The following EFCAB12 variants were observed in gnomAD, a reference collection of about 807,000 sequenced individuals.
The protein encoded by EFCAB12 is EF-hand calcium binding domain 12.
EFCAB12 carries 43 observed loss-of-function variants against 53.6 expected under a neutral mutation model. The observed-to-expected ratio is 0.80, with a 90% confidence interval of 0.63 to 1.03. The LOEUF (loss-of-function observed/expected upper bound fraction) is 1.03, where lower values mean the gene tolerates loss of function less well. Ranked by LOEUF, EFCAB12 falls within the 50% of genes least tolerant of loss-of-function variation. The pLI is 0.00. For synonymous variants in EFCAB12, 269 were observed against 289.2 expected, an observed-to-expected ratio of 0.93 and a Z score of 0.71; for missense variants, 646 against 730.6, an observed-to-expected ratio of 0.88 and a Z score of 1.34.
At chr3:129,420,462 T>C (rs564094006) in intron 2 of EFCAB12, among the ~76,000 whole-genome samples, 2 of 152,324 alleles carry the variant, frequency 1.3e-5, no homozygotes, top group East Asian at 3.9e-4. Flanking sequence ...GGTAGTACCC[T>C]TATCACTTAC....
chr3:129,420,314 AG>A (rs2072173118), intron 2 of EFCAB12, among the ~76,000 whole-genome samples: 1 of 152,206 alleles, frequency 6.6e-6, no homozygotes, highest in East Asian at 1.9e-4. Flanking sequence ...CCCAGGAGGT[AG>A]GAACAATGGT....
In EFCAB12 at chr3:129,416,051, G is replaced by A. The variant is rs531985275; in HGVS notation, c.682-650C>T. Among the ~76,000 whole-genome samples the A allele has an allele frequency of 1.2e-3, 181 of 152,298 alleles. 2 individuals carry two copies. Among genetic ancestry groups the A allele is most frequent in the African/African-American group, 4.2e-3 (173 of 41,552 alleles). On this transcript the variant is annotated intron_variant, in intron 3 of 8. Coordinates refer to ENST00000505956, the MANE Select transcript of EFCAB12 (RefSeq NM_207307.3). ...GCCTGGTTCGGCCTCCCAAAGTGCT[G>A]GGTAAACAGACATGAGCCACTGTGC...
intron 6 of EFCAB12, among the ~76,000 whole-genome samples, chr3:129,406,520 A>T (rs1322459282): frequency 6.6e-6 from 1 of 152,080 alleles, no homozygotes; most frequent in Non-Finnish European, 1.5e-5. Flanking sequence ...AGAGAGCGAG[A>T]GAGAAAGGGT....
intron 3 of EFCAB12, among the ~76,000 whole-genome samples, chr3:129,417,346 A>C (rs904109662): frequency 4.9e-5 from 7 of 143,724 alleles, no homozygotes; most frequent in African/African-American, 1.9e-4. Flanking sequence ...AAAACCAAAA[A>C]AAAAAAACCC....
At position 129,411,306 on chromosome 3, in the gene EFCAB12, T is replaced by C. The variant is rs1421656363; in HGVS notation, c.887A>G (p.Lys296Arg). The C allele has an allele frequency of 1.2e-6, 2 of 1,609,388 alleles. No homozygotes were observed. The highest frequency in any genetic ancestry group is 2.2e-5 in the East Asian group (1 of 44,654). The part of the protein sequence containing the change: ...HRDSLKGPLK[K>R]QEVDSAPQLP... ...CTGTGGGGCTGAATCCACCTCCTGC[T>C]TCTTGAGCGGACCCTTCAGGGAATC... Residue 296 changes from lysine to arginine, a missense_variant, in exon 5 of 9, where the codon AAG becomes AGG. By Grantham distance (26) the Lys-to-Arg change is conservative. Transcript: ENST00000505956.
rs199680374 is a variant in EFCAB12, at chr3:129,404,541, CT to C, written c.1250-139del. 120 of 1,030,146 alleles carry C rather than the reference CT, an allele frequency of 1.2e-4. No homozygotes were observed. The East Asian group carries it at 2.9e-3, about 25-fold the overall frequency. 63.8% of individuals were successfully genotyped at this position (1,030,146 alleles called of 1,614,324 possible). A position where few individuals can be genotyped will look rare whatever the true frequency, so the allele number is the denominator to read the frequency against. On this transcript the variant is annotated intron_variant, in intron 6 of 8. Coordinates refer to ENST00000505956, the MANE Select transcript of EFCAB12 (RefSeq NM_207307.3). ...CGTTTTCTTCTTATCTATATAGTAA[CT>C]TTTTATTGTTGAATAGTTGTAGATT...
chr3:129,405,124 T>G (rs1280698764), intron 6 of EFCAB12, among the ~76,000 whole-genome samples: 6 of 152,186 alleles, frequency 3.9e-5, no homozygotes, highest in Non-Finnish European at 8.8e-5. Flanking sequence ...CCACTTGGAT[T>G]TGTTTGGTGG....
intron 6 of EFCAB12, among the ~76,000 whole-genome samples, chr3:129,406,838 T>C (rs1290080361): frequency 1.3e-5 from 2 of 149,742 alleles, no homozygotes; most frequent in African/African-American, 5.0e-5. Context: ...ATAAAAAAGG[T>C]TGTGACTTCA....
chr3:129,424,613 C>T (rs1040335148), intron 1 of EFCAB12, among the ~76,000 whole-genome samples: 3 of 152,212 alleles, frequency 2.0e-5, no homozygotes, highest in Non-Finnish European at 4.4e-5. Context: ...TTCTTTATAG[C>T]AATGCTAGAA....
intron 4 of EFCAB12, 106 bp downstream of exon 4, chr3:129,415,139 G>A (rs1392858203): frequency 5.1e-6 from 7 of 1,372,134 alleles, no homozygotes; most frequent in Non-Finnish European, 6.7e-6. Flanking sequence ...GCCAAAACTG[G>A]GGAACACACT....
chr3:129,401,507 A>G lies in EFCAB12; in HGVS notation c.*86T>C, dbSNP rs1371197206. 1.4e-6 allele frequency: 2 copies of G among 1,438,960 alleles called. No homozygotes were observed. The highest frequency in any genetic ancestry group is 1.8e-6 in the Non-Finnish European group (2 of 1,087,626). The allele number at this position is 1,438,960 out of a possible 1,614,324, so 89.1% of individuals were successfully genotyped here. Reference sequence around the variant, plus strand: ...AGGATTTCTTTAGTTTGACTCTTTGACACTCCTCTTGTGTCTGGGCTCTGG... The same window carrying G: ...AGGATTTCTTTAGTTTGACTCTTTGGCACTCCTCTTGTGTCTGGGCTCTGG... On this transcript the variant is annotated 3_prime_UTR_variant, in exon 9 of 9. Coordinates refer to ENST00000505956, the MANE Select transcript of EFCAB12 (RefSeq NM_207307.3).
intron 6 of EFCAB12, 35 bp from the exon 7 acceptor site, chr3:129,404,438 A>C: frequency 3.2e-6 from 5 of 1,568,400 alleles, no homozygotes; most frequent in Non-Finnish European, 4.3e-6. Context: ...GCACCCATCA[A>C]CCCAGACTGC....
intron 3 of EFCAB12, among the ~76,000 whole-genome samples, chr3:129,416,769 C>T (rs1224386649): frequency 6.6e-6 from 1 of 152,118 alleles, no homozygotes; most frequent in African/African-American, 2.4e-5. Context: ...CCCATCTGAC[C>T]CTCCCATGTA....
intron 2 of EFCAB12, among the ~76,000 whole-genome samples, chr3:129,418,926 G>C (rs2072155437): frequency 6.6e-6 from 1 of 152,148 alleles, no homozygotes; most frequent in Admixed American, 6.6e-5. Context: ...ATTTTGTAAT[G>C]GATGATAATC....
chr3:129,408,188 C>T (rs55784787), intron 6 of EFCAB12, among the ~76,000 whole-genome samples: 11,490 of 152,294 alleles, frequency 0.075, 498 homozygotes, highest in South Asian at 0.1. Flanking sequence ...TCATACCCCA[C>T]TGCTTGTTGC....
chr3:129,417,777 C>T (rs1391019089), intron 3 of EFCAB12, among the ~76,000 whole-genome samples: 4 of 149,690 alleles, frequency 2.7e-5, no homozygotes, highest in African/African-American at 9.8e-5. Context: ...GGTCCATAGA[C>T]CAGTACTACA....
Position 129,408,709 on chromosome 3 carries a change from G to A in EFCAB12, c.1185C>T (p.Tyr395=). The change falls in exon 6 of 9, where the codon TAC becomes TAT. Residue 395 remains tyrosine (Y), a synonymous_variant. Coordinates refer to ENST00000505956, the MANE Select transcript of EFCAB12 (RefSeq NM_207307.3). The part of the protein sequence containing the change: ...DSARRHNFLV[Y]LQCWKLCKSY... Reference sequence around the variant, plus strand: ...ACTTACAGAGCTTCCAGCATTGCAGGTAGACCAGAAAGTTGTGCCTGCGGG... The same window carrying A: ...ACTTACAGAGCTTCCAGCATTGCAGATAGACCAGAAAGTTGTGCCTGCGGG... 1.3e-6 allele frequency: 2 copies of A among 1,589,074 alleles called. No individual in the cohort carries two copies. The highest frequency in any genetic ancestry group is 1.7e-6 in the Non-Finnish European group (2 of 1,166,704).
chr3:129,418,284 G>A lies in EFCAB12; in HGVS notation c.651C>T (p.Thr217=), dbSNP rs3796392. ...TTACAGCCGCGATGAACTCCTCCCT[G>A]GTGATTCTCTGGTTCTCACCCTGGC... ...KVGQGENQRI[T]REEFIAAVKA... The change falls in exon 3 of 9, where the codon ACC becomes ACT. Residue 217 remains threonine (T), a synonymous_variant. Transcript: ENST00000505956. 44,451 of 1,612,652 alleles carry A rather than the reference G, an allele frequency of 0.028. 5,248 individuals carry two copies. The East Asian group carries it at 0.4, about 15-fold the overall frequency.
chr3:129,411,230 C>T lies in EFCAB12; in HGVS notation c.963G>A (p.Glu321=). 1 of 1,613,884 alleles carries T rather than the reference C, an allele frequency of 6.2e-7. No individual in the cohort carries two copies. The highest frequency in any genetic ancestry group is 8.5e-7 in the Non-Finnish European group (1 of 1,179,830). The change falls in exon 5 of 9, where the codon GAG becomes GAA. Residue 321 remains glutamate, a synonymous_variant. Transcript: ENST00000505956. The stretch of plus-strand genomic sequence containing the variant: ...TCTCCTCCAGGGTCATGGGCCGCGT[C>T]TCCATCTGCGTGTCGACTGCAGGCA... ...LTVPAVDTQM[E]TRPMTLEEME... is the part of the protein sequence containing the mutation.
Sources: allele counts gnomAD v4.1 joint callset (sites outside exome capture counted in the v4.1 genomes callset), GRCh38; gene constraint gnomAD v4.1.1; transcripts MANE v1.5; gene names NCBI Gene and HGNC (gene_info 2026-07-23, HGNC 2026-07-21).